RNLS: variants seen among roughly 807,000 people sequenced by gnomAD.
RNLS encodes the protein renalase.
In RNLS, 39 loss-of-function variants were observed where a neutral mutation model predicts 39.8. The observed-to-expected ratio is 0.98, with a 90% CI of 0.76 to 1.28. The LOEUF (loss-of-function observed/expected upper bound fraction) is 1.28, where lower values mean the gene tolerates loss of function less well. RNLS is among the 50% of genes most tolerant of loss of function. RNLS has a pLI of 0.00. For missense variants in RNLS, 410 were observed against 413.3 expected (o/e 0.99, Z 0.07); for synonymous variants, 147 against 150.7 (o/e 0.98, Z 0.18).
intron 4 of RNLS, among the ~76,000 whole-genome samples, chr10:88,371,740 A>C (rs1444237481): frequency 1.3e-5 from 2 of 152,152 alleles, no homozygotes; most frequent in African/African-American, 4.8e-5. Flanking sequence ...GTAAACATTT[A>C]GGATTAAGCT....
intron 4 of RNLS, among the ~76,000 whole-genome samples, chr10:88,543,041 G>C (rs889351203): frequency 2.0e-5 from 3 of 152,068 alleles, no homozygotes; most frequent in Non-Finnish European, 4.4e-5. Context: ...TTGTTTTTCA[G>C]TATGCTTTAA....
At chr10:88,443,493 G>A (rs192444537) in intron 4 of RNLS, among the ~76,000 whole-genome samples, 1 of 152,280 alleles carries the variant, frequency 6.6e-6, no homozygotes, top group East Asian at 1.9e-4. Context: ...AGCACACCGA[G>A]CGTGAGCCGA....
chr10:88,244,092 C>A, the RNLS span, among the ~76,000 whole-genome samples: 15 of 152,312 alleles, frequency 9.8e-5, no homozygotes, highest in African/African-American at 3.6e-4. Context: ...CAATGCTCTT[C>A]GGGCTTGTTA....
intron 4 of RNLS, among the ~76,000 whole-genome samples, chr10:88,371,836 C>T (rs1052111343): frequency 8.6e-5 from 13 of 152,014 alleles, no homozygotes; most frequent in Admixed American, 1.3e-4. Flanking sequence ...AGGTAAATTC[C>T]GCCTAGTTAT....
At chr10:88,396,036 CAAAA>C (rs1298667551) in intron 4 of RNLS, among the ~76,000 whole-genome samples, 1 of 151,814 alleles carries the variant, frequency 6.6e-6, no homozygotes, top group Non-Finnish European at 1.5e-5. Flanking sequence ...TTCAAATAAG[CAAAA>C]AAACTGTGGT....
At chr10:88,240,660 T>A in the RNLS span, among the ~76,000 whole-genome samples, 2 of 152,262 alleles carry the variant, frequency 1.3e-5, no homozygotes, top group South Asian at 4.1e-4. Flanking sequence ...TCCCTCTTAA[T>A]TATTACTGAA....
At chr10:88,351,210 C>T (rs893398228) in intron 5 of RNLS, among the ~76,000 whole-genome samples, 1 of 152,134 alleles carries the variant, frequency 6.6e-6, no homozygotes, top group African/African-American at 2.4e-5. Context: ...GTTTCTTTTG[C>T]TGTGCAGAAG....
intron 4 of RNLS, among the ~76,000 whole-genome samples, chr10:88,480,787 TTGTGTGTGTGTGTGTG>T (rs60584908): frequency 1.4e-5 from 2 of 147,540 alleles, no homozygotes; most frequent in Non-Finnish European, 3.0e-5. Flanking sequence ...TCCTGTGTCT[TTGTGTGTGTGTGTGTG>T]TGTGTGTGTG....
chr10:88,237,285 T>A, the RNLS span, among the ~76,000 whole-genome samples: 8 of 138,456 alleles, frequency 5.8e-5, no homozygotes, highest in Non-Finnish European at 1.1e-4. Context: ...CTTTCATCCT[T>A]TTCCTTCCTC....
intron 6 of RNLS, among the ~76,000 whole-genome samples, chr10:88,298,994 T>C (rs1041692265): frequency 6.6e-6 from 1 of 152,188 alleles, no homozygotes; most frequent in Non-Finnish European, 1.5e-5. Context: ...CTTTCAGCAA[T>C]GTTTTGTAGT....
chr10:88,331,990 C>T (rs1847153661), intron 5 of RNLS, among the ~76,000 whole-genome samples: 1 of 152,206 alleles, frequency 6.6e-6, no homozygotes, highest in South Asian at 2.1e-4. Flanking sequence ...TCTCTCTCCT[C>T]TTTCTTGCCT....
chr10:88,375,674 T>A (rs1850935594), intron 4 of RNLS, among the ~76,000 whole-genome samples: 1 of 152,178 alleles, frequency 6.6e-6, no homozygotes, highest in African/African-American at 2.4e-5. Flanking sequence ...AATTTCACTG[T>A]GCTAGTTTCT....
chr10:88,572,802 A>G (rs1762852334), intron 4 of RNLS, 101 bp downstream of exon 4: 3 of 1,183,022 alleles, frequency 2.5e-6, no homozygotes, highest in East Asian at 2.5e-5. Context: ...AAATCAATAG[A>G]GTCTATCACT....
chr10:88,530,721 T>G (rs1199359707), intron 4 of RNLS, among the ~76,000 whole-genome samples: 1 of 152,178 alleles, frequency 6.6e-6, no homozygotes, highest in Non-Finnish European at 1.5e-5. Context: ...TTTTGATAAT[T>G]CTCATAGTGA....
intron 4 of RNLS, among the ~76,000 whole-genome samples, chr10:88,502,833 T>C (rs2134116050): frequency 6.6e-6 from 1 of 152,212 alleles, no homozygotes; most frequent in East Asian, 1.9e-4. Context: ...TTTTTCCCAA[T>C]GATCAAAAGC....
chr10:88,477,213 T>C (rs540591589), intron 4 of RNLS, among the ~76,000 whole-genome samples: 61 of 152,276 alleles, frequency 4.0e-4, no homozygotes, highest in Middle Eastern at 3.4e-3. Flanking sequence ...GACTGTTCCA[T>C]GTGTACATCT....
the RNLS span, among the ~76,000 whole-genome samples, chr10:88,201,004 T>TG: frequency 6.7e-6 from 1 of 149,882 alleles, no homozygotes; most frequent in Non-Finnish European, 1.5e-5. Flanking sequence ...TTTTTTTTTT[T>TG]TAACAACTAA....
In RNLS at chr10:88,582,179, T is replaced by G. The variant is rs754187929; in HGVS notation, c.224+23A>C. On this transcript the variant is annotated intron_variant, in intron 2 of 6. Transcript: ENST00000331772. ...ACATCACACAACTGCTAAGATTGAT[T>G]CCACTCCTTGCAACTAACTCACCGT... 3.8e-6 allele frequency: 6 copies of G among 1,566,230 alleles called. No individual in the cohort carries two copies. The Admixed American group carries it at 8.4e-5, about 22-fold the overall frequency.
intron 4 of RNLS, among the ~76,000 whole-genome samples, chr10:88,393,423 G>A (rs1852341776): frequency 6.6e-6 from 1 of 151,996 alleles, no homozygotes; most frequent in African/African-American, 2.4e-5. Flanking sequence ...GCCAAATCAT[G>A]AGTGAACTCC....
Sources: gnomAD v4.1 joint callset for allele counts (sites outside exome capture counted in the v4.1 genomes callset) on GRCh38, gnomAD v4.1.1 for gene constraint, MANE v1.5 for transcripts, NCBI Gene and HGNC (gene_info 2026-07-23, HGNC 2026-07-21) for gene names.